SLCO3A1: variants seen among roughly 807,000 people sequenced by gnomAD.
The protein encoded by SLCO3A1 is solute carrier organic anion transporter family member 3A1.
In SLCO3A1, 27 loss-of-function variants were observed where a neutral mutation model predicts 63.1. That is an observed-to-expected ratio of 0.43 (90% CI 0.32 to 0.59). The LOEUF (loss-of-function observed/expected upper bound fraction) is 0.59, where lower values mean the gene tolerates loss of function less well. SLCO3A1 is among the 20% of genes least tolerant of loss of function. The pLI is 0.09. For synonymous variants in SLCO3A1, 473 were observed against 409.9 expected (o/e 1.15, Z -1.86); for missense variants, 773 against 945.8 (o/e 0.82, Z 2.40).
chr15:91,893,601 A>G (rs192531250), intron 1 of SLCO3A1, among the ~76,000 whole-genome samples: 58 of 152,298 alleles, frequency 3.8e-4, no homozygotes, highest in African/African-American at 1.4e-3. Context: ...TTCACCTCCT[A>G]ATACTATCAC....
rs542827685 is a variant in SLCO3A1 at position 92,103,868 on chromosome 15, G to A, written c.746-411G>A. 4.6e-5 allele frequency among the ~76,000 whole-genome samples: 7 copies of A among 152,222 alleles called. No homozygotes were observed. The South Asian group carries it at 1.0e-3, about 23-fold the overall frequency. On this transcript the variant is annotated intron_variant, in intron 3 of 9. Coordinates refer to ENST00000318445, the MANE Select transcript of SLCO3A1 (RefSeq NM_013272.4). ...AGGCAGTGAGTGGGGCATTGAGTGGGATCTCGTGTGAGCTGCTTTTTGGAA... is the reference window on the plus strand; with the variant it reads ...AGGCAGTGAGTGGGGCATTGAGTGGAATCTCGTGTGAGCTGCTTTTTGGAA...
chr15:91,903,768 G>A (rs536540526), intron 1 of SLCO3A1, among the ~76,000 whole-genome samples: 1 of 152,354 alleles, frequency 6.6e-6, no homozygotes, highest in East Asian at 1.9e-4. Context: ...GGTAGCCATA[G>A]ATGTGAAATC....
intron 2 of SLCO3A1, among the ~76,000 whole-genome samples, chr15:91,958,289 GA>G (rs1481421806): frequency 1.3e-5 from 2 of 152,126 alleles, no homozygotes; most frequent in African/African-American, 4.8e-5. Context: ...TGTTGGGGTG[GA>G]GGGTGACCCT....
intron 1 of SLCO3A1, among the ~76,000 whole-genome samples, chr15:91,869,418 C>T (rs921546626): frequency 2.6e-5 from 4 of 151,948 alleles, no homozygotes; most frequent in South Asian, 2.1e-4. Context: ...TGCCTGTAAT[C>T]CCAGCTACTC....
At chr15:92,054,496 A>G (rs536127038) in intron 2 of SLCO3A1, among the ~76,000 whole-genome samples, 6 of 152,174 alleles carry the variant, frequency 3.9e-5, no homozygotes, top group African/African-American at 1.4e-4. Context: ...CATGATGTGC[A>G]GGTTTGTTAT....
intron 2 of SLCO3A1, among the ~76,000 whole-genome samples, chr15:92,023,438 G>T (rs1343096761): frequency 6.6e-6 from 1 of 151,708 alleles, no homozygotes; most frequent in Non-Finnish European, 1.5e-5. Context: ...CTTTCAGAAA[G>T]TATTGCTATT....
At chr15:92,093,909 G>T (rs2047507800) in intron 2 of SLCO3A1, among the ~76,000 whole-genome samples, 1 of 152,122 alleles carries the variant, frequency 6.6e-6, no homozygotes, top group South Asian at 2.1e-4. Context: ...TGCCCGTGTG[G>T]CCTGTTAGCA....
chr15:91,928,505 C>T lies in SLCO3A1; in HGVS notation c.646+12047C>T, dbSNP rs1294804799. The stretch of plus-strand genomic sequence containing the variant: ...TTCCCATCGTATGCTACCCCTCCAC[C>T]ATCCCCAGGCATGATTACATCCACA... On this transcript the variant is annotated intron_variant, in intron 2 of 9. Coordinates refer to ENST00000318445, the MANE Select transcript of SLCO3A1 (RefSeq NM_013272.4). 2.0e-5 allele frequency among the ~76,000 whole-genome samples: 3 copies of T among 152,184 alleles called. No homozygotes were observed. The East Asian group carries it at 5.8e-4, about 29-fold the overall frequency.
At chr15:92,081,085 TTG>T (rs1008238733) in intron 2 of SLCO3A1, among the ~76,000 whole-genome samples, 35 of 152,214 alleles carry the variant, frequency 2.3e-4, no homozygotes, top group African/African-American at 8.4e-4. Context: ...TATCATTTCT[TTG>T]TGTTACCGAC....
At chr15:92,063,124 G>A (rs541822263) in intron 2 of SLCO3A1, among the ~76,000 whole-genome samples, 30 of 152,340 alleles carry the variant, frequency 2.0e-4, no homozygotes, top group Middle Eastern at 3.4e-3. Flanking sequence ...AGGCTAGAGG[G>A]AATTTATCCC....
At chr15:91,909,599 G>C (rs1898419548) in intron 1 of SLCO3A1, among the ~76,000 whole-genome samples, 1 of 152,122 alleles carries the variant, frequency 6.6e-6, no homozygotes, top group South Asian at 2.1e-4. Context: ...GTTCCCCGAA[G>C]CTCCCCAGGA....
At chr15:92,060,891 C>G (rs1354800588) in intron 2 of SLCO3A1, among the ~76,000 whole-genome samples, 1 of 152,068 alleles carries the variant, frequency 6.6e-6, no homozygotes, top group East Asian at 1.9e-4. Context: ...CTTGGCCTAC[C>G]CAGAATCAGG....
intron 7 of SLCO3A1, among the ~76,000 whole-genome samples, chr15:92,143,105 G>A (rs1204249970): frequency 6.6e-6 from 1 of 151,088 alleles, no homozygotes; most frequent in African/African-American, 2.4e-5. Flanking sequence ...GGGGGTACTG[G>A]AATTGAGGGA....
intron 7 of SLCO3A1, among the ~76,000 whole-genome samples, chr15:92,143,577 C>T (rs1024452402): frequency 7.6e-6 from 1 of 131,048 alleles, no homozygotes; most frequent in African/African-American, 2.9e-5. Context: ...TCTCTGTCTT[C>T]ATTAGCTTTA....
intron 7 of SLCO3A1, among the ~76,000 whole-genome samples, chr15:92,145,133 C>T (rs2048203887): frequency 6.6e-6 from 1 of 152,158 alleles, no homozygotes; most frequent in South Asian, 2.1e-4. Context: ...GAGAAAAATG[C>T]ATGGTGGGCC....
rs549915991 is a variant in SLCO3A1 at position 92,074,785 on chromosome 15, G to A, written c.647-20096G>A. 1.4e-4 allele frequency among the ~76,000 whole-genome samples: 21 copies of A among 151,742 alleles called. No individual in the cohort carries two copies. The East Asian group carries it at 3.9e-3, about 28-fold the overall frequency. ...GAGAGCTGACAAGCAGGGCGGTGGG[G>A]GGTGGCCAGGAGCTGACATGGCTTT... On this transcript the variant is annotated intron_variant, in intron 2 of 9. Transcript: ENST00000318445.
At chr15:91,857,798 A>G (rs1318823959) in intron 1 of SLCO3A1, among the ~76,000 whole-genome samples, 1 of 152,112 alleles carries the variant, frequency 6.6e-6, no homozygotes, top group Non-Finnish European at 1.5e-5. Context: ...AGCCTCTGAC[A>G]CTTCTAGATG....
rs2048297898 is a variant in SLCO3A1, at chr15:92,150,974, T to G, written c.1713T>G (p.Ser571=). ...LIRTVSPELK[S]YALGVLFLLL... ...GGACAGTCAGCCCTGAACTCAAGTC[T>G]TACGCTTTGGGAGTTCTTTTTCTCC... Residue 571 remains serine, a synonymous_variant, in exon 9 of 10, where the codon TCT becomes TCG. Transcript: ENST00000318445. The G allele has an allele frequency of 1.2e-6, 2 of 1,613,366 alleles. No homozygotes were observed. Among genetic ancestry groups the G allele is most frequent in the Non-Finnish European group, 1.7e-6 (2 of 1,179,674 alleles).
At chr15:91,932,860 A>G (rs1239245294) in intron 2 of SLCO3A1, among the ~76,000 whole-genome samples, 2 of 152,222 alleles carry the variant, frequency 1.3e-5, no homozygotes, top group African/African-American at 4.8e-5. Context: ...ACTGATCTTT[A>G]ATTGGTGACA....
Sources: allele counts gnomAD v4.1 joint callset (sites outside exome capture counted in the v4.1 genomes callset), GRCh38; gene constraint gnomAD v4.1.1; transcripts MANE v1.5; gene names NCBI Gene and HGNC (gene_info 2026-07-23, HGNC 2026-07-21).